SYBU: variants seen among roughly 807,000 people sequenced by gnomAD.
SYBU encodes GOLSYN A protein.
A neutral mutation model predicts 35.9 loss-of-function variants in SYBU; 21 were observed. The observed-to-expected ratio is 0.58, with a 90% CI of 0.41 to 0.84. The LOEUF is 0.84. Ranked by LOEUF, SYBU falls within the 40% of genes least tolerant of loss-of-function variation. The pLI is 0.00. For synonymous variants in SYBU, 319 were observed against 324.3 expected (o/e 0.98, Z 0.18); for missense variants, 768 against 848.2 (o/e 0.91, Z 1.17).
chr8:109,624,181 A>T (rs1223248295), intron 2 of SYBU, among the ~76,000 whole-genome samples: 1 of 152,162 alleles, frequency 6.6e-6, no homozygotes, highest in East Asian at 1.9e-4. Flanking sequence ...AACTGAGTTC[A>T]TGGTCATATA....
At chr8:109,674,251 G>GAA (rs57756111) in intron 1 of SYBU, among the ~76,000 whole-genome samples, 111 of 145,328 alleles carry the variant, frequency 7.6e-4, no homozygotes, top group Middle Eastern at 7.1e-3. Flanking sequence ...AGGTTGAAAT[G>GAA]AAAAAAAAAA....
intron 2 of SYBU, among the ~76,000 whole-genome samples, chr8:109,635,583 T>C (rs987084548): frequency 3.9e-5 from 6 of 152,338 alleles, no homozygotes; most frequent in East Asian, 1.9e-4. Flanking sequence ...CTTGACCCCC[T>C]GCCCTTCTCC....
intron 1 of SYBU, among the ~76,000 whole-genome samples, chr8:109,678,685 C>T (rs915200200): frequency 2.6e-5 from 4 of 151,992 alleles, no homozygotes; most frequent in South Asian, 2.1e-4. Context: ...GTGATCCACC[C>T]GCCTCGGCCT....
At chr8:109,663,290 T>C (rs972059055) in intron 1 of SYBU, among the ~76,000 whole-genome samples, 7 of 151,312 alleles carry the variant, frequency 4.6e-5, no homozygotes, top group Non-Finnish European at 1.0e-4. Flanking sequence ...GATAGATAGA[T>C]AGATAGATAG....
chr8:109,682,241 C>T (rs907043963), upstream of SYBU, among the ~76,000 whole-genome samples: 1 of 152,128 alleles, frequency 6.6e-6, no homozygotes, highest in African/African-American at 2.4e-5. Context: ...CAGAAGAAGA[C>T]AGGAAAATGT....
rs765120858 is a variant in SYBU, at chr8:109,575,866, C to G, written c.1032G>C (p.Met344Ile). Residue 344 changes from methionine to isoleucine, a missense_variant, in exon 7 of 7, where the codon ATG (methionine) becomes ATC (isoleucine). Physicochemically the swap from Met to Ile is conservative, Grantham distance 10. Transcript: ENST00000276646. ...IKQLKQVIET[M>I]RSSLADKDKG... ...TATCTTTATCAGCCAAGCTGCTCCG[C>G]ATGGTTTCGATGACCTGTTTGAGCT... is the stretch of plus-strand genomic sequence containing the variant. 2 of 1,614,040 alleles carry G rather than the reference C, an allele frequency of 1.2e-6. No individual in the cohort carries two copies. Among genetic ancestry groups the G allele is most frequent in the Admixed American group, 3.3e-5 (2 of 60,004 alleles).
intron 1 of SYBU, among the ~76,000 whole-genome samples, chr8:109,667,064 A>C (rs763519082): frequency 1.1e-4 from 16 of 152,198 alleles, no homozygotes; most frequent in Non-Finnish European, 5.9e-5. Flanking sequence ...GCTTGAACTA[A>C]CTTAGATATA....
At chr8:109,610,164 C>A (rs538460255) in intron 3 of SYBU, among the ~76,000 whole-genome samples, 9 of 152,202 alleles carry the variant, frequency 5.9e-5, no homozygotes, top group African/African-American at 2.2e-4. Context: ...CCAGACACTC[C>A]CCTGACTATC....
At chr8:109,665,083 A>G (rs1816708391) in intron 1 of SYBU, among the ~76,000 whole-genome samples, 1 of 152,212 alleles carries the variant, frequency 6.6e-6, no homozygotes, top group Non-Finnish European at 1.5e-5. Flanking sequence ...TGAGCCAACT[A>G]TAAGTCTATA....
At chr8:109,578,089 G>A in intron 5 of SYBU, 72 bp from the exon 6 acceptor site, 1 of 1,492,526 alleles carries the variant, frequency 6.7e-7, no homozygotes, top group African/African-American at 1.4e-5. Flanking sequence ...GTAACACAGA[G>A]TGTTATCAAC....
At chr8:109,650,667 C>G (rs1002016853) in intron 1 of SYBU, among the ~76,000 whole-genome samples, 6 of 152,214 alleles carry the variant, frequency 3.9e-5, no homozygotes, top group African/African-American at 1.2e-4. Context: ...GTACTCCCAG[C>G]TCCTCTCTAA....
At chr8:109,656,611 A>G (rs116065140) in intron 1 of SYBU, among the ~76,000 whole-genome samples, 1,724 of 152,350 alleles carry the variant, frequency 0.011, 19 homozygotes, top group African/African-American at 0.039. Flanking sequence ...TTACAGACTT[A>G]CGCTTTTACT....
chr8:109,587,707 G>A (rs1823787073), intron 3 of SYBU, among the ~76,000 whole-genome samples: 1 of 152,144 alleles, frequency 6.6e-6, no homozygotes, highest in Non-Finnish European at 1.5e-5. Flanking sequence ...CTGGTTTCCA[G>A]GAGCTCTCAG....
intron 3 of SYBU, among the ~76,000 whole-genome samples, chr8:109,609,128 C>A (rs1472659391): frequency 8.5e-5 from 13 of 152,180 alleles, no homozygotes; most frequent in Admixed American, 8.5e-4. Flanking sequence ...GGTGAAGAAC[C>A]CCTCCTCCTG....
upstream of SYBU, chr8:109,648,571 C>T (rs1202574736): frequency 2.0e-5 from 3 of 152,040 alleles, no homozygotes; most frequent in East Asian, 1.9e-4. Context: ...TAGGAATCCC[C>T]TAGACTGCAA....
At chr8:109,643,123 T>A in intron 1 of SYBU, 191 bp from the exon 2 acceptor site, 1 of 1,324,368 alleles carries the variant, frequency 7.6e-7, no homozygotes, top group East Asian at 3.0e-5. Context: ...CTTTCTAATC[T>A]ACTGAATAGC....
upstream of SYBU, among the ~76,000 whole-genome samples, chr8:109,682,734 G>T (rs1817429323): frequency 6.6e-6 from 1 of 152,170 alleles, no homozygotes; most frequent in South Asian, 2.1e-4. Context: ...TGTCTCCAGG[G>T]CATATCAAAG....
At position 109,630,119 on chromosome 8, in the gene SYBU, T is replaced by C. The variant is rs569248453; in HGVS notation, c.230-11080A>G. On this transcript the variant is annotated intron_variant, in intron 2 of 6. Transcript: ENST00000276646. ...TAAAAAATGATGAGTTCATGTCCTT[T>C]GTAGGGACATGGATGAAATTGGAAA... is the stretch of plus-strand genomic sequence containing the variant. Among the ~76,000 whole-genome samples the C allele has an allele frequency of 4.5e-4, 69 of 151,836 alleles. 1 individual carries two copies. The highest frequency in any genetic ancestry group is 4.5e-3 in the Admixed American group (68 of 15,264).
In SYBU at chr8:109,574,875, C is replaced by T; in HGVS notation, c.*31G>A. 6.6e-7 allele frequency: 1 copy of T among 1,508,528 alleles called. No individual in the cohort carries two copies. Among genetic ancestry groups the T allele is most frequent in the South Asian group, 1.4e-5 (1 of 72,838 alleles). 93.4% of individuals were successfully genotyped at this position (1,508,528 alleles called of 1,614,324 possible). ...TCTACCTGGCACAACCCACATGGGACACATTGGCACACGGTAACAACAACT... is the reference window on the plus strand; with the variant it reads ...TCTACCTGGCACAACCCACATGGGATACATTGGCACACGGTAACAACAACT... On this transcript the variant is annotated 3_prime_UTR_variant, in exon 7 of 7. Coordinates refer to ENST00000276646, the MANE Select transcript of SYBU (RefSeq NM_001099754.2).
Sources: gnomAD v4.1 joint callset for allele counts (sites outside exome capture counted in the v4.1 genomes callset) on GRCh38, gnomAD v4.1.1 for gene constraint, MANE v1.5 for transcripts, NCBI Gene and HGNC (gene_info 2026-07-23, HGNC 2026-07-21) for gene names.